Variants in PKNOX1 observed in about 807,000 individuals in gnomAD.
PKNOX1 encodes PBX/knotted 1 homeobox 1, also known as homeobox protein PKNOX1.
In PKNOX1, 15 loss-of-function variants were observed where a neutral mutation model predicts 51.9. That is an observed-to-expected ratio of 0.29 (90% confidence interval 0.19 to 0.45). PKNOX1 has a LOEUF of 0.45. PKNOX1 is among the 20% of genes least tolerant of loss of function. The pLI is 1.00. For synonymous variants in PKNOX1, 219 were observed against 211.1 expected (o/e 1.04, Z -0.32); for missense variants, 462 against 547.5 (o/e 0.84, Z 1.56).
chr21:43,020,459 GA>G (rs1223892152), intron 7 of PKNOX1: 3 of 152,272 alleles, frequency 2.0e-5, no homozygotes, highest in African/African-American at 7.2e-5. Flanking sequence ...TTGTGAGAAG[GA>G]ATTTAACAAA....
rs1000867469 is a variant in PKNOX1 at position 43,032,214 on chromosome 21, A to T, written c.*2113A>T. 2 of 440,630 alleles carry T rather than the reference A, an allele frequency of 4.5e-6. No individual in the cohort carries two copies. Among genetic ancestry groups the T allele is most frequent in the Admixed American group, 4.9e-5 (2 of 41,184 alleles). 27.3% of individuals were successfully genotyped at this position (440,630 alleles called of 1,614,324 possible). ...TTCCTCATTTGTGAACTGTCTTCTC[A>T]TATTTTAAGTCAAGTCTATAAGATC... On this transcript the variant is annotated 3_prime_UTR_variant, in exon 11 of 11. Coordinates refer to ENST00000291547, the MANE Select transcript of PKNOX1 (RefSeq NM_004571.5).
At chr21:42,982,890 A>C (rs899000786) in intron 1 of PKNOX1, among the ~76,000 whole-genome samples, 2 of 151,656 alleles carry the variant, frequency 1.3e-5, no homozygotes, top group Non-Finnish European at 2.9e-5. Context: ...GCTCCCTGCA[A>C]CCTCTGCCTC....
chr21:42,978,402 A>G (rs1300533588), intron 1 of PKNOX1, among the ~76,000 whole-genome samples: 1 of 150,682 alleles, frequency 6.6e-6, no homozygotes, highest in African/African-American at 2.4e-5. Context: ...AAATTTGTGT[A>G]TGTATTTTTT....
At chr21:43,023,029 T>C (rs1979831014) in intron 8 of PKNOX1, among the ~76,000 whole-genome samples, 1 of 152,130 alleles carries the variant, frequency 6.6e-6, no homozygotes, top group South Asian at 2.1e-4. Flanking sequence ...CTGCCCATCA[T>C]GTCCAGTGAA....
intron 1 of PKNOX1, chr21:43,004,031 A>C: frequency 5.7e-6 from 1 of 176,060 alleles, no homozygotes; most frequent in Non-Finnish European, 1.2e-5. Flanking sequence ...TGAGGTCGGG[A>C]GTTCGAGACC....
chr21:42,988,845 G>C (rs909647165), intron 1 of PKNOX1, among the ~76,000 whole-genome samples: 2 of 152,140 alleles, frequency 1.3e-5, no homozygotes, highest in African/African-American at 2.4e-5. Context: ...GACCCTGCGG[G>C]CTGGATGAGG....
chr21:43,013,655 ATCT>A (rs1979353170), intron 5 of PKNOX1, among the ~76,000 whole-genome samples: 1 of 152,114 alleles, frequency 6.6e-6, no homozygotes, highest in South Asian at 2.1e-4. Flanking sequence ...GAACTTTCTC[ATCT>A]TCTCAAACTC....
intron 1 of PKNOX1, among the ~76,000 whole-genome samples, chr21:42,975,617 G>A (rs2058991643): frequency 6.6e-6 from 1 of 152,214 alleles, no homozygotes; most frequent in Non-Finnish European, 1.5e-5. Context: ...GTGGCTCTGC[G>A]ACGGGACCAG....
intron 7 of PKNOX1, among the ~76,000 whole-genome samples, chr21:43,020,795 A>G (rs1979716212): frequency 1.3e-5 from 2 of 152,208 alleles, no homozygotes; most frequent in South Asian, 4.1e-4. Flanking sequence ...ACAGGTGGGA[A>G]CAGGTGGTGG....
rs933761470 is a variant in PKNOX1 at position 43,030,307 on chromosome 21, G to T, written c.*206G>T. The stretch of plus-strand genomic sequence containing the variant: ...TGTGTGTGTGTGCGTGTGTGCGTGT[G>T]TGTGGATTTTTAAAGAAATTCTTTA... On this transcript the variant is annotated 3_prime_UTR_variant, in exon 11 of 11. Coordinates refer to ENST00000291547, the MANE Select transcript of PKNOX1 (RefSeq NM_004571.5). 5.0e-6 allele frequency: 2 copies of T among 399,078 alleles called. No homozygotes were observed. 24.7% of individuals were successfully genotyped at this position (399,078 alleles called of 1,614,324 possible).
intron 2 of PKNOX1, among the ~76,000 whole-genome samples, chr21:43,005,534 CTTT>C (rs35211045): frequency 6.9e-6 from 1 of 145,152 alleles, no homozygotes; most frequent in Non-Finnish European, 1.5e-5. Context: ...TTCCAATTGA[CTTT>C]TTTTTTTTTT....
intron 2 of PKNOX1, among the ~76,000 whole-genome samples, chr21:43,006,505 T>A (rs184328651): frequency 9.8e-5 from 15 of 152,346 alleles, no homozygotes; most frequent in African/African-American, 2.4e-4. Context: ...CTTTTATTTT[T>A]TTTTTTTAAG....
At chr21:43,001,766 C>T (rs1482198843) in intron 1 of PKNOX1, among the ~76,000 whole-genome samples, 2 of 152,052 alleles carry the variant, frequency 1.3e-5, no homozygotes, top group Non-Finnish European at 2.9e-5. Flanking sequence ...CGAGACCGTC[C>T]TGGCTAACAT....
At chr21:43,009,738 A>G (rs140785905) in intron 3 of PKNOX1, among the ~76,000 whole-genome samples, 342 of 152,282 alleles carry the variant, frequency 2.2e-3, no homozygotes, top group Admixed American at 3.5e-3. Flanking sequence ...CCATTTAGAC[A>G]GAATGTCTAG....
At chr21:42,987,820 A>T (rs2059062915) in intron 1 of PKNOX1, among the ~76,000 whole-genome samples, 1 of 151,720 alleles carries the variant, frequency 6.6e-6, no homozygotes, top group South Asian at 2.1e-4. Flanking sequence ...GGGTTTCACC[A>T]TGTTAGCCAG....
chr21:42,986,618 C>T (rs1190968790), intron 1 of PKNOX1, among the ~76,000 whole-genome samples: 1 of 152,216 alleles, frequency 6.6e-6, no homozygotes, highest in East Asian at 1.9e-4. Context: ...AGATGGACAA[C>T]TGGCTTGTGG....
At chr21:42,992,909 T>A (rs2059095615) in intron 1 of PKNOX1, among the ~76,000 whole-genome samples, 1 of 132,170 alleles carries the variant, frequency 7.6e-6, no homozygotes, top group East Asian at 2.4e-4. Context: ...CTCACAGCAC[T>A]GGGGGGCTTC....
At chr21:42,979,793 A>G (rs2059017607) in intron 1 of PKNOX1, among the ~76,000 whole-genome samples, 1 of 152,206 alleles carries the variant, frequency 6.6e-6, no homozygotes, top group Non-Finnish European at 1.5e-5. Flanking sequence ...TGAATCTAAA[A>G]TGCAGCAGTG....
At position 42,990,003 on chromosome 21, in the gene PKNOX1, T is replaced by C. The variant is rs189513474; in HGVS notation, c.-56-14323T>C. Among the ~76,000 whole-genome samples, 3 of 150,792 alleles carry C rather than the reference T, an allele frequency of 2.0e-5. No homozygotes were observed. In the East Asian group the frequency reaches 5.9e-4, roughly 29 times the overall value. On this transcript the variant is annotated intron_variant, in intron 1 of 10. Transcript: ENST00000291547. ...GGTTCCAGCTACTCCGGGGCTGAGGTGGGAGGGTTGCTTGAGTGAGGGAGG... is the reference window on the plus strand; with the variant it reads ...GGTTCCAGCTACTCCGGGGCTGAGGCGGGAGGGTTGCTTGAGTGAGGGAGG...
Sources: allele counts gnomAD v4.1 joint callset (sites outside exome capture counted in the v4.1 genomes callset), GRCh38; gene constraint gnomAD v4.1.1; transcripts MANE v1.5; gene names NCBI Gene and HGNC (gene_info 2026-07-23, HGNC 2026-07-21).